Variants in STEAP2 observed in about 807,000 individuals in gnomAD.
The protein encoded by STEAP2 is STEAP2 metalloreductase, also known as metalloreductase STEAP2.
Under a neutral mutation model 46.4 loss-of-function variants are expected in STEAP2, and 30 were observed. The observed-to-expected ratio is 0.65, with a 90% CI of 0.48 to 0.88. The LOEUF is 0.88. Ranked by LOEUF, STEAP2 falls within the 40% of genes least tolerant of loss-of-function variation. The pLI is 0.00. For synonymous variants in STEAP2, 180 were observed against 200.5 expected, an observed-to-expected ratio of 0.90 and a Z score of 0.86; for missense variants, 513 against 579.3, an observed-to-expected ratio of 0.89 and a Z score of 1.18.
chr7:90,233,055 A>C lies in STEAP2; in HGVS notation c.*431A>C. On this transcript the variant is annotated 3_prime_UTR_variant, in exon 6 of 6. Transcript: ENST00000394621. The stretch of plus-strand genomic sequence containing the variant: ...TATTCAACTTAAAAAGTAGAAATGC[A>C]TTATTATACATTTTTTTAAGAAAGG... 2.1e-6 allele frequency: 2 copies of C among 975,134 alleles called. No homozygotes were observed. Among genetic ancestry groups the C allele is most frequent in the Non-Finnish European group, 2.4e-6 (2 of 820,448 alleles). 60.4% of individuals were successfully genotyped at this position (975,134 alleles called of 1,614,324 possible). A position where few individuals can be genotyped will look rare whatever the true frequency, so the allele number is the denominator to read the frequency against.
At position 90,234,041 on chromosome 7, in the gene STEAP2, G is replaced by A. The variant is rs2116384413; in HGVS notation, c.*1417G>A. 1 of 985,360 alleles carries A rather than the reference G, an allele frequency of 1.0e-6. No individual in the cohort carries two copies. The highest frequency in any genetic ancestry group is 1.2e-6 in the Non-Finnish European group (1 of 829,918). The allele number at this position is 985,360 out of a possible 1,614,324, so 61.0% of individuals were successfully genotyped here. Reference sequence around the variant, plus strand: ...GTTAACAAATTGCTGAGATCCCACGGAGTCTTTCAAAAATCTCTGTAGAGT... The same window carrying A: ...GTTAACAAATTGCTGAGATCCCACGAAGTCTTTCAAAAATCTCTGTAGAGT... On this transcript the variant is annotated 3_prime_UTR_variant, in exon 6 of 6. Transcript: ENST00000394621.
rs565093824 is a variant in STEAP2 at position 90,235,490 on chromosome 7, C to T, written c.*2866C>T. On this transcript the variant is annotated 3_prime_UTR_variant, in exon 6 of 6. Transcript: ENST00000394621. ...GAAGTAGGACTGAATTCTACTATTG[C>T]TAGGTGTGAGAAAGTGGTGGTGAGA... is the stretch of plus-strand genomic sequence containing the variant. The T allele has an allele frequency of 2.0e-6, 2 of 984,938 alleles. No individual in the cohort carries two copies. Among genetic ancestry groups the T allele is most frequent in the Non-Finnish European group, 2.4e-6 (2 of 829,874 alleles). The allele number at this position is 984,938 out of a possible 1,614,324, so 61.0% of individuals were successfully genotyped here. A position where few individuals can be genotyped will look rare whatever the true frequency, so the allele number is the denominator to read the frequency against.
intron 3 of STEAP2, 132 bp downstream of exon 3, chr7:90,225,706 C>G: frequency 9.4e-7 from 1 of 1,058,492 alleles, no homozygotes; most frequent in Non-Finnish European, 1.3e-6. Flanking sequence ...TTATGAGCAC[C>G]TGAAGATTAA....
Position 90,236,380 on chromosome 7 carries a change from G to C in STEAP2, c.*3756G>C, listed in dbSNP as rs1795960787. 1.0e-6 allele frequency: 1 copy of C among 984,004 alleles called. No homozygotes were observed. Among genetic ancestry groups the C allele is most frequent in the East Asian group, 1.1e-4 (1 of 8,810 alleles). The allele number at this position is 984,004 out of a possible 1,614,324, so 61.0% of individuals were successfully genotyped here. ...GCCTAAAATGTGTTGAAATTATTTTGTAAATCCATGACTTAAAACAAGATA... is the reference window on the plus strand; with the variant it reads ...GCCTAAAATGTGTTGAAATTATTTTCTAAATCCATGACTTAAAACAAGATA... On this transcript the variant is annotated 3_prime_UTR_variant, in exon 6 of 6. Transcript: ENST00000394621.
At chr7:90,232,216 TA>T in intron 5 of STEAP2, 120 bp from the exon 6 acceptor site, 1 of 1,240,056 alleles carries the variant, frequency 8.1e-7, no homozygotes, top group East Asian at 2.7e-5. Flanking sequence ...GTTAACTTGA[TA>T]ATTTAAGACA....
In STEAP2 at chr7:90,234,696, G is replaced by A. The variant is rs1166161368; in HGVS notation, c.*2072G>A. ...CTCCCGAGTAGCTGGGACTACAGGT[G>A]CCCGCCACCATGCCCGGCTGATTTC... On this transcript the variant is annotated 3_prime_UTR_variant, in exon 6 of 6. Coordinates refer to ENST00000394621, the MANE Select transcript of STEAP2 (RefSeq NM_001244944.2). 6.7e-6 allele frequency: 3 copies of A among 448,314 alleles called. No individual in the cohort carries two copies. Among genetic ancestry groups the A allele is most frequent in the South Asian group, 1.9e-4 (2 of 10,652 alleles). The allele number at this position is 448,314 out of a possible 1,614,324, so 27.8% of individuals were successfully genotyped here. A position where few individuals can be genotyped will look rare whatever the true frequency, so the allele number is the denominator to read the frequency against.
At chr7:90,223,698 A>C (rs1338186820) in intron 2 of STEAP2, among the ~76,000 whole-genome samples, 4 of 152,216 alleles carry the variant, frequency 2.6e-5, no homozygotes, top group Non-Finnish European at 4.4e-5. Flanking sequence ...TATATAATTT[A>C]AGATCATAAA....
chr7:90,239,164 T>A (rs1796028591), downstream of STEAP2, among the ~76,000 whole-genome samples: 1 of 152,184 alleles, frequency 6.6e-6, no homozygotes, highest in Non-Finnish European at 1.5e-5. Flanking sequence ...GGAGATAGGA[T>A]CTTTAAAGAG....
chr7:90,226,911 G>T, intron 3 of STEAP2, 60 bp from the exon 4 acceptor site: 3 of 1,500,138 alleles, frequency 2.0e-6, no homozygotes, highest in Middle Eastern at 1.8e-4. Flanking sequence ...TGGAGCATGC[G>T]ATTGCTACCA....
At chr7:90,215,553 C>G (rs1459689950) in intron 1 of STEAP2, 1 of 152,110 alleles carries the variant, frequency 6.6e-6, no homozygotes, top group Non-Finnish European at 1.5e-5. Flanking sequence ...ATTGAGCTCC[C>G]GAAGTTGAAG....
chr7:90,218,180 T>G, intron 2 of STEAP2, among the ~76,000 whole-genome samples: 1 of 152,148 alleles, frequency 6.6e-6, no homozygotes, highest in Non-Finnish European at 1.5e-5. Flanking sequence ...CTTATCAGAT[T>G]AATAGTTTGC....
chr7:90,229,974 G>A lies in STEAP2; in HGVS notation c.1123G>A (p.Ala375Thr). 6.2e-7 allele frequency: 1 copy of A among 1,613,542 alleles called. No homozygotes were observed. Among genetic ancestry groups the A allele is most frequent in the Non-Finnish European group, 8.5e-7 (1 of 1,179,596 alleles). The change falls in exon 5 of 6, where the codon GCA (alanine) becomes ACA (threonine). Residue 375 changes from alanine to threonine, a missense_variant. Coordinates refer to ENST00000394621, the MANE Select transcript of STEAP2 (RefSeq NM_001244944.2). ...IMSLGLLSLL[A>T]VTSIPSVSNA... ...GAGCCTTGGCTTACTTTCCCTCCTG[G>A]CAGTCACTTCTATCCCTTCAGTGAG...
At chr7:90,239,367 G>T (rs1221183753), downstream of STEAP2, among the ~76,000 whole-genome samples, 1 of 152,156 alleles carries the variant, frequency 6.6e-6, no homozygotes, top group East Asian at 1.9e-4. Flanking sequence ...CTAGCCTCCA[G>T]AACTGTAACA....
intron 5 of STEAP2, among the ~76,000 whole-genome samples, chr7:90,230,482 G>T (rs1338927910): frequency 6.6e-6 from 1 of 151,900 alleles, no homozygotes; most frequent in African/African-American, 2.4e-5. Context: ...AGAAATGTGT[G>T]TATATATACA....
Position 90,233,886 on chromosome 7 carries a change from A to T in STEAP2, c.*1262A>T, listed in dbSNP as rs1251263904. The T allele has an allele frequency of 1.0e-6, 1 of 984,068 alleles. No homozygotes were observed. Among genetic ancestry groups the T allele is most frequent in the Non-Finnish European group, 1.2e-6 (1 of 828,856 alleles). 61.0% of individuals were successfully genotyped at this position (984,068 alleles called of 1,614,324 possible). ...GGTGCATCCAAAAATGTATAAAAATATTATTATAATAAACTTATTACTGCT... is the reference window on the plus strand; with the variant it reads ...GGTGCATCCAAAAATGTATAAAAATTTTATTATAATAAACTTATTACTGCT... On this transcript the variant is annotated 3_prime_UTR_variant, in exon 6 of 6. Transcript: ENST00000394621.
rs1795670111 is a variant in STEAP2 at position 90,229,956 on chromosome 7, G to A, written c.1105G>A (p.Gly369Ser). 1 of 1,613,612 alleles carries A rather than the reference G, an allele frequency of 6.2e-7. No individual in the cohort carries two copies. Among genetic ancestry groups the A allele is most frequent in the Non-Finnish European group, 8.5e-7 (1 of 1,179,616 alleles). The change falls in exon 5 of 6, where the codon GGC becomes AGC. Residue 369 changes from glycine to serine, a missense_variant. By Grantham distance (56) the Gly-to-Ser change is moderately conservative. Transcript: ENST00000394621. ...MYISFGIMSLGLLSLLAVTSI... is the reference protein window; with the variant it reads ...MYISFGIMSLSLLSLLAVTSI... ...TATCTCCTTTGGCATAATGAGCCTTGGCTTACTTTCCCTCCTGGCAGTCAC... is the reference window on the plus strand; with the variant it reads ...TATCTCCTTTGGCATAATGAGCCTTAGCTTACTTTCCCTCCTGGCAGTCAC...
Position 90,232,688 on chromosome 7 carries a change from A to G in STEAP2, c.*64A>G. ...TCATGCCATTATTTTTATGACTTCT[A>G]CGTTCAGTTACAAGTATGCTGTCAA... is the stretch of plus-strand genomic sequence containing the variant. On this transcript the variant is annotated 3_prime_UTR_variant, in exon 6 of 6. Coordinates refer to ENST00000394621, the MANE Select transcript of STEAP2 (RefSeq NM_001244944.2). The G allele has an allele frequency of 6.7e-7, 1 of 1,486,326 alleles. No individual in the cohort carries two copies. The allele number at this position is 1,486,326 out of a possible 1,614,324, so 92.1% of individuals were successfully genotyped here.
At position 90,227,262 on chromosome 7, in the gene STEAP2, G is replaced by A. The variant is rs760208489; in HGVS notation, c.784G>A (p.Val262Ile). ...GATTGTGAATAAAACCTTACCTATA[G>A]TTGCCATTACTTTGCTCTCCCTAGT... ...IEIVNKTLPI[V>I]AITLLSLVYL... The change falls in exon 4 of 6, where the codon GTT becomes ATT. Residue 262 changes from valine to isoleucine, a missense_variant. Transcript: ENST00000394621. The A allele has an allele frequency of 3.1e-6, 5 of 1,613,712 alleles. No homozygotes were observed. The South Asian group carries it at 5.5e-5, about 18-fold the overall frequency.
rs1316300229 is a variant in STEAP2 at position 90,236,064 on chromosome 7, GT to G, written c.*3441del. The stretch of plus-strand genomic sequence containing the variant: ...CAATCAAATTATAGAAATTACTTGT[GT>G]AAAAGGGCTTCAAGAATATATCCAA... On this transcript the variant is annotated 3_prime_UTR_variant, in exon 6 of 6. Transcript: ENST00000394621. 1.4e-6 allele frequency: 1 copy of G among 738,050 alleles called. No individual in the cohort carries two copies. The highest frequency in any genetic ancestry group is 1.3e-4 in the East Asian group (1 of 7,586). The allele number at this position is 738,050 out of a possible 1,614,324, so 45.7% of individuals were successfully genotyped here. A position where few individuals can be genotyped will look rare whatever the true frequency, so the allele number is the denominator to read the frequency against.
Sources: gnomAD v4.1 joint callset for allele counts (sites outside exome capture counted in the v4.1 genomes callset) on GRCh38, gnomAD v4.1.1 for gene constraint, MANE v1.5 for transcripts, NCBI Gene and HGNC (gene_info 2026-07-23, HGNC 2026-07-21) for gene names.